Variants in ROBO1 observed in about 807,000 individuals in gnomAD.
ROBO1 encodes roundabout homolog 1.
ROBO1 carries 149 observed loss-of-function variants against 195.9 expected under a neutral mutation model. The observed-to-expected ratio is 0.76, with a 90% CI of 0.67 to 0.87. The LOEUF (loss-of-function observed/expected upper bound fraction) is 0.87. ROBO1 is among the 40% of genes least tolerant of loss of function. The pLI, the probability that ROBO1 is intolerant of heterozygous loss-of-function variation, is 0.00. For synonymous variants in ROBO1, 816 were observed against 733.2 expected (o/e 1.11, Z -1.82); for missense variants, 1,933 against 2,068.3 (o/e 0.93, Z 1.27).
intron 2 of ROBO1, among the ~76,000 whole-genome samples, chr3:79,214,831 T>A (rs1317697673): frequency 1.5e-4 from 22 of 148,234 alleles, no homozygotes; most frequent in East Asian, 3.9e-4. Context: ...TATATATTTT[T>A]TTTTTTTTTG....
intron 4 of ROBO1, among the ~76,000 whole-genome samples, chr3:78,877,025 A>G (rs903583983): frequency 1.8e-4 from 27 of 152,180 alleles, no homozygotes; most frequent in Non-Finnish European, 1.5e-5. Context: ...TCAATAGGAC[A>G]TAAGCAAGAA....
intron 2 of ROBO1, among the ~76,000 whole-genome samples, chr3:79,500,715 C>T (rs1342375815): frequency 6.6e-6 from 1 of 152,170 alleles, no homozygotes; most frequent in Non-Finnish European, 1.5e-5. Flanking sequence ...TACATGGTCA[C>T]ATAAGCTTGA....
In ROBO1 at chr3:79,692,149, A is replaced by G. The variant is rs576397793; in HGVS notation, c.-51+75603T>C. Among the ~76,000 whole-genome samples, 5 of 152,058 alleles carry G rather than the reference A, an allele frequency of 3.3e-5. No homozygotes were observed. In the South Asian group the frequency reaches 6.2e-4, roughly 19 times the overall value. ...GGAAATATTGTTGGCATAAAGAGAAAGAACAGCAAGAGAGAAGGTGGAATG... is the reference window on the plus strand; with the variant it reads ...GGAAATATTGTTGGCATAAAGAGAAGGAACAGCAAGAGAGAAGGTGGAATG... On this transcript the variant is annotated intron_variant, in intron 1 of 30. Transcript: ENST00000464233.
intron 3 of ROBO1, among the ~76,000 whole-genome samples, chr3:79,101,476 A>G (rs1051856445): frequency 2.0e-5 from 3 of 151,814 alleles, no homozygotes; most frequent in Non-Finnish European, 4.4e-5. Flanking sequence ...TTAATAATGA[A>G]TGTGACACCT....
rs1487435294 is a variant in ROBO1 at position 79,123,803 on chromosome 3, A to G, written c.172+1653T>C. On this transcript the variant is annotated intron_variant, in intron 3 of 30. Transcript: ENST00000464233. The stretch of plus-strand genomic sequence containing the variant: ...GTTAATTTATCTAATGATATGTTTA[A>G]TAGGACAAATCTGACACCTGATTAA... 7.2e-5 allele frequency among the ~76,000 whole-genome samples: 11 copies of G among 152,018 alleles called. No homozygotes were observed. The East Asian group carries it at 2.1e-3, about 29-fold the overall frequency.
At chr3:79,487,632 T>G (rs1374603354) in intron 2 of ROBO1, among the ~76,000 whole-genome samples, 1 of 152,204 alleles carries the variant, frequency 6.6e-6, no homozygotes, top group African/African-American at 2.4e-5. Flanking sequence ...TAACACTATG[T>G]TTAGGTTCTA....
intron 10 of ROBO1, among the ~76,000 whole-genome samples, chr3:78,672,890 G>A (rs774858058): frequency 2.6e-4 from 40 of 152,164 alleles, no homozygotes; most frequent in Middle Eastern, 3.4e-3. Context: ...TTAAATGCAC[G>A]GACTTTGGAG....
chr3:79,395,195 A>C (rs1234008226), intron 2 of ROBO1, among the ~76,000 whole-genome samples: 1 of 151,508 alleles, frequency 6.6e-6, no homozygotes, highest in Non-Finnish European at 1.5e-5. Context: ...TGGTGGCGGC[A>C]CCTGTGGTCC....
At chr3:79,118,996 C>A (rs1241898205) in intron 3 of ROBO1, among the ~76,000 whole-genome samples, 1 of 152,054 alleles carries the variant, frequency 6.6e-6, no homozygotes, top group Non-Finnish European at 1.5e-5. Flanking sequence ...GCTTTTCCTT[C>A]CCCACTATAA....
intron 4 of ROBO1, among the ~76,000 whole-genome samples, chr3:78,749,530 C>T (rs2082737979): frequency 6.6e-6 from 1 of 152,116 alleles, no homozygotes. Flanking sequence ...GGCAATTCTG[C>T]ATAAAGTTAT....
chr3:79,059,112 T>G (rs891234160), intron 3 of ROBO1, among the ~76,000 whole-genome samples: 10 of 152,118 alleles, frequency 6.6e-5, no homozygotes, highest in Non-Finnish European at 1.5e-5. Flanking sequence ...GCAAATGCAG[T>G]GTGATTGGAA....
rs576177762 is a variant in ROBO1 at position 79,579,610 on chromosome 3, T to A, written c.88+10214A>T. Among the ~76,000 whole-genome samples, 3 of 152,356 alleles carry A rather than the reference T, an allele frequency of 2.0e-5. No individual in the cohort carries two copies. The South Asian group carries it at 6.2e-4, about 32-fold the overall frequency. On this transcript the variant is annotated intron_variant, in intron 2 of 30. Transcript: ENST00000464233. ...TGTCATGGGTTAATTGGCAGTTATA[T>A]TCTTTTCTTGGCCATACATAATGAT...
At chr3:79,071,513 T>A (rs1285464154) in intron 3 of ROBO1, among the ~76,000 whole-genome samples, 1 of 152,004 alleles carries the variant, frequency 6.6e-6, no homozygotes, top group East Asian at 2.0e-4. Flanking sequence ...GTTACTCACA[T>A]AATGTTTCAT....
At chr3:79,532,957 TA>T in intron 2 of ROBO1, 1 of 279,674 alleles carries the variant, frequency 3.6e-6, no homozygotes, top group South Asian at 3.2e-5. Flanking sequence ...TTAGGCATTA[TA>T]TGTAATAGTT....
At chr3:78,811,580 G>A (rs1328503059) in intron 4 of ROBO1, among the ~76,000 whole-genome samples, 1 of 151,998 alleles carries the variant, frequency 6.6e-6, no homozygotes, top group Non-Finnish European at 1.5e-5. Context: ...TTCGTTTGAT[G>A]AGCACCTTTA....
intron 2 of ROBO1, among the ~76,000 whole-genome samples, chr3:79,381,364 AAAAAAAAAAAAAAGAAAAGAAAAG>A (rs1279949190): frequency 2.9e-5 from 3 of 103,516 alleles, no homozygotes; most frequent in Non-Finnish European, 5.7e-5. Context: ...TCAAAAAAAA[AAAAAAAAAAAAAAGAAAAGAAAAG>A]AAAAGAAAAG....
At chr3:78,752,336 A>G (rs754877546) in intron 4 of ROBO1, among the ~76,000 whole-genome samples, 3 of 152,182 alleles carry the variant, frequency 2.0e-5, no homozygotes, top group Non-Finnish European at 4.4e-5. Flanking sequence ...CAGCTGTGCT[A>G]TAACTCTTGT....
At chr3:79,150,975 G>T (rs1209280211) in intron 2 of ROBO1, among the ~76,000 whole-genome samples, 1 of 151,706 alleles carries the variant, frequency 6.6e-6, no homozygotes, top group Non-Finnish European at 1.5e-5. Flanking sequence ...ATCCCCATGT[G>T]TCAAGGGCAG....
At chr3:79,765,310 G>T (rs1704924156) in intron 1 of ROBO1, among the ~76,000 whole-genome samples, 1 of 152,186 alleles carries the variant, frequency 6.6e-6, no homozygotes, top group Non-Finnish European at 1.5e-5. Context: ...CATGGGAGAG[G>T]TATAGGTCCA....
Sources: gnomAD v4.1 joint callset for allele counts (sites outside exome capture counted in the v4.1 genomes callset) on GRCh38, gnomAD v4.1.1 for gene constraint, MANE v1.5 for transcripts, NCBI Gene and HGNC (gene_info 2026-07-23, HGNC 2026-07-21) for gene names.